Variants in UTP3 observed in about 807,000 individuals in gnomAD.
The protein encoded by UTP3 is something about silencing protein 10.
Under a neutral mutation model 37.9 loss-of-function variants are expected in UTP3, and 19 were observed. The observed-to-expected ratio is 0.50, with a 90% CI of 0.35 to 0.74. The LOEUF is 0.74. UTP3 is among the 30% of genes least tolerant of loss of function. The pLI is 0.01. For missense variants in UTP3, 504 were observed against 570.7 expected (o/e 0.88, Z 1.19); for synonymous variants, 242 against 218.5 (o/e 1.11, Z -0.95).
Position 70,690,126 on chromosome 4 carries a change from C to G in UTP3, c.*9C>G. On this transcript the variant is annotated 3_prime_UTR_variant, in exon 1 of 1. Coordinates refer to ENST00000254803, the MANE Select transcript of UTP3 (RefSeq NM_020368.3). ...GCATTAAGCTTAAATGAAGTTTTTG[C>G]TTAGCATAAGGTTTTTGGCAGTTTT... 6.4e-7 allele frequency: 1 copy of G among 1,573,940 alleles called. No homozygotes were observed.
rs942774331 is a variant in UTP3 at position 70,688,710 on chromosome 4, T to C, written c.33T>C (p.Ala11=). The C allele has an allele frequency of 1.2e-6, 2 of 1,613,852 alleles. No homozygotes were observed. The highest frequency in any genetic ancestry group is 3.3e-5 in the Admixed American group (2 of 59,992). MVGRSRRRGA[A]KWAAVRAKAG... is the part of the protein sequence containing the mutation. ...GGAGATCCCGGCGGCGCGGAGCAGCTAAGTGGGCAGCTGTGCGAGCCAAGG... is the reference window on the plus strand; with the variant it reads ...GGAGATCCCGGCGGCGCGGAGCAGCCAAGTGGGCAGCTGTGCGAGCCAAGG... Residue 11 remains alanine (A), a synonymous_variant, in exon 1 of 1, where the codon GCT becomes GCC. Transcript: ENST00000254803.
Position 70,690,078 on chromosome 4 carries a change from C to T in UTP3, c.1401C>T (p.Gly467=), listed in dbSNP as rs1441323603. 1.9e-6 allele frequency: 3 copies of T among 1,610,070 alleles called. No individual in the cohort carries two copies. Among genetic ancestry groups the T allele is most frequent in the Non-Finnish European group, 2.5e-6 (3 of 1,179,080 alleles). Residue 467 remains glycine (G), a synonymous_variant, in exon 1 of 1, where the codon GGC becomes GGT. Transcript: ENST00000254803. ...EEQRYSGELS[G]IRAGVKKSIK... ...AACGTTATAGTGGTGAATTATCTGGCATTCGTGCAGGAGTTAAAAAGAGCA... is the reference window on the plus strand; with the variant it reads ...AACGTTATAGTGGTGAATTATCTGGTATTCGTGCAGGAGTTAAAAAGAGCA...
Position 70,690,158 on chromosome 4 carries a change from A to G in UTP3, c.*41A>G, listed in dbSNP as rs754297356. 8 of 1,517,506 alleles carry G rather than the reference A, an allele frequency of 5.3e-6. No individual in the cohort carries two copies. The highest frequency in any genetic ancestry group is 1.4e-5 in the South Asian group (1 of 71,042). 94.0% of individuals were successfully genotyped at this position (1,517,506 alleles called of 1,614,324 possible). On this transcript the variant is annotated 3_prime_UTR_variant, in exon 1 of 1. Transcript: ENST00000254803. Reference sequence around the variant, plus strand: ...TAAGGTTTTTGGCAGTTTTGGATCAATAAATTTTTACTTTTAACTAAAGTC... The same window carrying G: ...TAAGGTTTTTGGCAGTTTTGGATCAGTAAATTTTTACTTTTAACTAAAGTC...
Position 70,688,602 on chromosome 4 carries a change from G to C in UTP3, c.-76G>C. On this transcript the variant is annotated 5_prime_UTR_variant, in exon 1 of 1. Coordinates refer to ENST00000254803, the MANE Select transcript of UTP3 (RefSeq NM_020368.3). Reference sequence around the variant, plus strand: ...CTGCTGTTTAGAGCCACGAGTTACCGGAGCGCCTGATTCCTGCGCCGAAGT... The same window carrying C: ...CTGCTGTTTAGAGCCACGAGTTACCCGAGCGCCTGATTCCTGCGCCGAAGT... 6.9e-7 allele frequency: 1 copy of C among 1,455,588 alleles called. No individual in the cohort carries two copies. The highest frequency in any genetic ancestry group is 2.5e-5 in the East Asian group (1 of 40,760). 90.2% of individuals were successfully genotyped at this position (1,455,588 alleles called of 1,614,324 possible).
At position 70,689,692 on chromosome 4, in the gene UTP3, C is replaced by A; in HGVS notation, c.1015C>A (p.Pro339Thr). Reference protein sequence around the residue: ...KDDAVKKELIPKAKSTKPKPK... With the variant: ...KDDAVKKELITKAKSTKPKPK... ...TGATGCTGTAAAGAAAGAACTGATT[C>A]CAAAAGCAAAATCCACCAAGCCCAA... The change falls in exon 1 of 1, where the codon CCA becomes ACA. Residue 339 changes from proline to threonine, a missense_variant. By Grantham distance (38) the Pro-to-Thr change is conservative. Coordinates refer to ENST00000254803, the MANE Select transcript of UTP3 (RefSeq NM_020368.3). 1 of 1,614,170 alleles carries A rather than the reference C, an allele frequency of 6.2e-7. No homozygotes were observed. The highest frequency in any genetic ancestry group is 1.7e-5 in the Admixed American group (1 of 60,008).
Position 70,690,136 on chromosome 4 carries a change from G to T in UTP3, c.*19G>T. On this transcript the variant is annotated 3_prime_UTR_variant, in exon 1 of 1. Coordinates refer to ENST00000254803, the MANE Select transcript of UTP3 (RefSeq NM_020368.3). The stretch of plus-strand genomic sequence containing the variant: ...TAAATGAAGTTTTTGCTTAGCATAA[G>T]GTTTTTGGCAGTTTTGGATCAATAA... The T allele has an allele frequency of 1.3e-6, 2 of 1,552,700 alleles. No individual in the cohort carries two copies. Among genetic ancestry groups the T allele is most frequent in the South Asian group, 1.3e-5 (1 of 79,164 alleles).
chr4:70,689,642 T>TTCG lies in UTP3; in HGVS notation c.968_970dup (p.Arg323dup), dbSNP rs1560418042. The TTCG allele has an allele frequency of 6.2e-7, 1 of 1,614,190 alleles. No individual in the cohort carries two copies. Among genetic ancestry groups the TTCG allele is most frequent in the Non-Finnish European group, 8.5e-7 (1 of 1,180,032 alleles). Reference sequence around the variant, plus strand: ...GTGGATCAGAAGCTGTCCTCAGAAATTCGTCATCTGTTGACACTTAAGGAT... The same window carrying TTCG: ...GTGGATCAGAAGCTGTCCTCAGAAATTCGTCGTCATCTGTTGACACTTAAGGAT... On this transcript the variant is annotated inframe_insertion, in exon 1 of 1. Coordinates refer to ENST00000254803, the MANE Select transcript of UTP3 (RefSeq NM_020368.3).
Position 70,689,709 on chromosome 4 carries a change from C to T in UTP3, c.1032C>T (p.Thr344=). ...AACTGATTCCAAAAGCAAAATCCAC[C>T]AAGCCCAAACCAAAGTCTGTTTCAA... ...KKELIPKAKS[T]KPKPKSVSKT... Residue 344 remains threonine (T), a synonymous_variant, in exon 1 of 1, where the codon ACC becomes ACT. Transcript: ENST00000254803. 6.2e-7 allele frequency: 1 copy of T among 1,614,128 alleles called. No individual in the cohort carries two copies. The highest frequency in any genetic ancestry group is 8.5e-7 in the Non-Finnish European group (1 of 1,180,030).
In UTP3 at chr4:70,690,250, T is replaced by C. The variant is rs559831563; in HGVS notation, c.*133T>C. The C allele has an allele frequency of 3.1e-6, 3 of 975,702 alleles. No homozygotes were observed. The highest frequency in any genetic ancestry group is 3.4e-5 in the South Asian group (1 of 29,462). The allele number at this position is 975,702 out of a possible 1,614,324, so 60.4% of individuals were successfully genotyped here. ...TCCACAAGGAAATTTGTCTGGGTTA[T>C]TGGACAATTTATAAGAACTATGGGA... On this transcript the variant is annotated 3_prime_UTR_variant, in exon 1 of 1. Coordinates refer to ENST00000254803, the MANE Select transcript of UTP3 (RefSeq NM_020368.3).
At position 70,689,152 on chromosome 4, in the gene UTP3, A is replaced by C. The variant is rs1158988142; in HGVS notation, c.475A>C (p.Arg159=). ...QSQQEAEEEE[R]EEEEEAQIIQ... ...TCAACAGGAGGCAGAGGAGGAGGAA[A>C]GAGAGGAGGAGGAGGAGGCACAGAT... Residue 159 remains arginine (R), a synonymous_variant, in exon 1 of 1, where the codon AGA becomes CGA. Coordinates refer to ENST00000254803, the MANE Select transcript of UTP3 (RefSeq NM_020368.3). 9 of 1,612,850 alleles carry C rather than the reference A, an allele frequency of 5.6e-6. No homozygotes were observed. Among genetic ancestry groups the C allele is most frequent in the East Asian group, 4.5e-5 (2 of 44,842 alleles).
Position 70,689,308 on chromosome 4 carries a change from T to G in UTP3, c.631T>G (p.Ser211Ala). Residue 211 changes from serine (S) to alanine (A), a missense_variant, in exon 1 of 1, where the codon TCA (serine) becomes GCA (alanine). Transcript: ENST00000254803. ...TRVVKDLAKV[S>A]VKEKLKMLRK... ...GGTCGTGAAGGATTTGGCTAAAGTTTCAGTGAAAGAGAAGCTGAAAATGTT... is the reference window on the plus strand; with the variant it reads ...GGTCGTGAAGGATTTGGCTAAAGTTGCAGTGAAAGAGAAGCTGAAAATGTT... 3 of 1,614,144 alleles carry G rather than the reference T, an allele frequency of 1.9e-6. No individual in the cohort carries two copies. Among genetic ancestry groups the G allele is most frequent in the South Asian group, 1.1e-5 (1 of 91,082 alleles).
At position 70,689,042 on chromosome 4, in the gene UTP3, C is replaced by T; in HGVS notation, c.365C>T (p.Ser122Phe). The T allele has an allele frequency of 6.3e-7, 1 of 1,589,302 alleles. No individual in the cohort carries two copies. Among genetic ancestry groups the T allele is most frequent in the Non-Finnish European group, 8.6e-7 (1 of 1,166,838 alleles). Reference sequence around the variant, plus strand: ...TCCGTGCAAAGTGAAGCTGAGGCCTCTGTGGATCCCAGTTTGTCGTGGGGT... The same window carrying T: ...TCCGTGCAAAGTGAAGCTGAGGCCTTTGTGGATCCCAGTTTGTCGTGGGGT... The part of the protein sequence containing the change: ...GSSVQSEAEA[S>F]VDPSLSWGQR... Residue 122 changes from serine to phenylalanine, a missense_variant, in exon 1 of 1, where the codon TCT becomes TTT. Ser to Phe is a radical substitution (Grantham distance 155). Transcript: ENST00000254803.
At position 70,689,425 on chromosome 4, in the gene UTP3, TTGGTGGAAC is replaced by T; in HGVS notation, c.749_757del (p.Leu250_Gln253delinsTer). ...GGATGAGCTGGAGCCATTGTTAGAG[TTGGTGGAAC>T]AAGGGATCATTCCACCCGGAAAAGG... On this transcript the variant is annotated stop_gained and inframe_deletion, in exon 1 of 1. Coordinates refer to ENST00000254803, the MANE Select transcript of UTP3 (RefSeq NM_020368.3). LOFTEE classifies it high-confidence loss of function. 8 of 1,614,092 alleles carry T rather than the reference TTGGTGGAAC, an allele frequency of 5.0e-6. No homozygotes were observed. Among genetic ancestry groups the T allele is most frequent in the Non-Finnish European group, 6.8e-6 (8 of 1,180,012 alleles).
Position 70,689,687 on chromosome 4 carries a change from T to G in UTP3, c.1010T>G (p.Leu337Arg). The change falls in exon 1 of 1, where the codon CTG (leucine) becomes CGG (arginine). Residue 337 changes from leucine (L) to arginine (R), a missense_variant. Coordinates refer to ENST00000254803, the MANE Select transcript of UTP3 (RefSeq NM_020368.3). ...TLKDDAVKKE[L>R]IPKAKSTKPK... ...AAGGATGATGCTGTAAAGAAAGAAC[T>G]GATTCCAAAAGCAAAATCCACCAAG... 6.2e-7 allele frequency: 1 copy of G among 1,614,218 alleles called. No homozygotes were observed. Among genetic ancestry groups the G allele is most frequent in the Non-Finnish European group, 8.5e-7 (1 of 1,180,042 alleles).
In UTP3 at chr4:70,689,020, G is replaced by A. The variant is rs1739566566; in HGVS notation, c.343G>A (p.Val115Met). 3 of 1,588,522 alleles carry A rather than the reference G, an allele frequency of 1.9e-6. No individual in the cohort carries two copies. The highest frequency in any genetic ancestry group is 2.6e-6 in the Non-Finnish European group (3 of 1,166,532). Residue 115 changes from valine (V) to methionine (M), a missense_variant, in exon 1 of 1, where the codon GTG (valine) becomes ATG (methionine). Coordinates refer to ENST00000254803, the MANE Select transcript of UTP3 (RefSeq NM_020368.3). The stretch of plus-strand genomic sequence containing the variant: ...TGCCGATGATGATGGTGGGAGCTCC[G>A]TGCAAAGTGAAGCTGAGGCCTCTGT... Reference protein sequence around the residue: ...ENADDDGGSSVQSEAEASVDP... With the variant: ...ENADDDGGSSMQSEAEASVDP...
Position 70,690,314 on chromosome 4 carries a change from G to C in UTP3, c.*197G>C. 2.1e-6 allele frequency: 1 copy of C among 469,298 alleles called. No individual in the cohort carries two copies. Among genetic ancestry groups the C allele is most frequent in the Non-Finnish European group, 3.5e-6 (1 of 288,262 alleles). 29.1% of individuals were successfully genotyped at this position (469,298 alleles called of 1,614,324 possible). On this transcript the variant is annotated 3_prime_UTR_variant, in exon 1 of 1. Transcript: ENST00000254803. ...GCTTGAGAAAAGAGATGATGTTGAA[G>C]TTTTCCAATATTCTGTTGAAGTTTT...
Position 70,688,866 on chromosome 4 carries a change from C to G in UTP3, c.189C>G (p.Gly63=). ...GATCCCGGGCCGCCTTAGCTAAGGG[C>G]TGGAATGAAGTACAGAGTGGAGACG... The part of the protein sequence containing the change: ...EARSRAALAK[G]WNEVQSGDEE... The change falls in exon 1 of 1, where the codon GGC becomes GGG. Residue 63 remains glycine, a synonymous_variant. Transcript: ENST00000254803. 1 of 1,613,932 alleles carries G rather than the reference C, an allele frequency of 6.2e-7. No individual in the cohort carries two copies. The highest frequency in any genetic ancestry group is 1.1e-5 in the South Asian group (1 of 91,066).
Position 70,689,642 on chromosome 4 carries a change from T to G in UTP3, c.965T>G (p.Ile322Ser). Reference sequence around the variant, plus strand: ...GTGGATCAGAAGCTGTCCTCAGAAATTCGTCATCTGTTGACACTTAAGGAT... The same window carrying G: ...GTGGATCAGAAGCTGTCCTCAGAAAGTCGTCATCTGTTGACACTTAAGGAT... ...SVVDQKLSSE[I>S]RHLLTLKDDA... The change falls in exon 1 of 1, where the codon ATT (isoleucine) becomes AGT (serine). Residue 322 changes from isoleucine (I) to serine (S), a missense_variant. Coordinates refer to ENST00000254803, the MANE Select transcript of UTP3 (RefSeq NM_020368.3). The G allele has an allele frequency of 6.2e-7, 1 of 1,614,190 alleles. No individual in the cohort carries two copies. Among genetic ancestry groups the G allele is most frequent in the African/African-American group, 1.3e-5 (1 of 75,036 alleles).
At position 70,689,507 on chromosome 4, in the gene UTP3, C is replaced by G. The variant is rs1187264814; in HGVS notation, c.830C>G (p.Ser277Trp). ...TACAACCTCTACTTGAATTATTGCT[C>G]GAACATCAGTTTTTATTTGATCCTG... ...TKYNLYLNYC[S>W]NISFYLILKA... The change falls in exon 1 of 1, where the codon TCG becomes TGG. Residue 277 changes from serine (S) to tryptophan (W), a missense_variant. By Grantham distance (177) the Ser-to-Trp change is radical. Transcript: ENST00000254803. The G allele has an allele frequency of 8.7e-6, 14 of 1,614,116 alleles. No individual in the cohort carries two copies. Among genetic ancestry groups the G allele is most frequent in the Non-Finnish European group, 1.2e-5 (14 of 1,180,024 alleles).
Sources: allele counts gnomAD v4.1 joint callset, GRCh38; gene constraint gnomAD v4.1.1; transcripts MANE v1.5; gene names NCBI Gene and HGNC (gene_info 2026-07-23, HGNC 2026-07-21).